Variants in TYW1 observed in about 807,000 individuals in gnomAD.
TYW1 encodes the protein S-adenosyl-L-methionine-dependent tRNA 4-demethylwyosine synthase TYW1.
A neutral mutation model predicts 96.2 loss-of-function variants in TYW1; 46 were observed. The observed-to-expected ratio is 0.48, with a 90% CI of 0.38 to 0.61. The LOEUF is 0.61. Among genes scored for constraint, TYW1 ranks in the 20% least tolerant of loss-of-function variants. The pLI, the probability that TYW1 is intolerant of heterozygous loss-of-function variation, is 0.00. For missense variants in TYW1, 684 were observed against 909.6 expected (o/e 0.75, Z 3.19); for synonymous variants, 274 against 323.0 (o/e 0.85, Z 1.63).
At chr7:67,063,163 C>T (rs985457625) in intron 9 of TYW1, among the ~76,000 whole-genome samples, 6 of 152,146 alleles carry the variant, frequency 3.9e-5, no homozygotes, top group African/African-American at 1.4e-4. Flanking sequence ...AAGCAATCCA[C>T]CATATCAAAC....
intron 15 of TYW1, among the ~76,000 whole-genome samples, chr7:67,204,211 C>G (rs987430189): frequency 2.0e-5 from 3 of 152,064 alleles, no homozygotes; most frequent in South Asian, 2.1e-4. Flanking sequence ...TCTTATTTCT[C>G]TTTTCTTTTT....
chr7:67,181,589 G>A (rs929149560), intron 13 of TYW1, among the ~76,000 whole-genome samples: 12 of 151,896 alleles, frequency 7.9e-5, no homozygotes, highest in African/African-American at 2.9e-4. Flanking sequence ...GTATCATTTT[G>A]TGCATCCCTT....
chr7:67,200,312 G>A (rs1260013609), intron 15 of TYW1, among the ~76,000 whole-genome samples: 1 of 152,038 alleles, frequency 6.6e-6, no homozygotes, highest in Non-Finnish European at 1.5e-5. Context: ...CCGCTTTCAC[G>A]CTGCTGATAA....
chr7:67,151,123 T>C (rs1209800342), intron 13 of TYW1, among the ~76,000 whole-genome samples: 1 of 151,870 alleles, frequency 6.6e-6, no homozygotes, highest in Non-Finnish European at 1.5e-5. Context: ...AGATCTTGGC[T>C]CACTGCAACC....
chr7:67,086,673 A>T lies in TYW1; in HGVS notation c.1384+3134A>T, dbSNP rs139424547. On this transcript the variant is annotated intron_variant, in intron 11 of 15. Coordinates refer to ENST00000359626, the MANE Select transcript of TYW1 (RefSeq NM_018264.4). ...GCTTGGAACAGGTCAATCTTTTTAT[A>T]TTAAAGCCTTCAAATGATTGGATGA... Among the ~76,000 whole-genome samples, 355 of 152,284 alleles carry T rather than the reference A, an allele frequency of 2.3e-3. 1 individual carries two copies. Among genetic ancestry groups the T allele is most frequent in the African/African-American group, 7.8e-3 (324 of 41,552 alleles).
At chr7:67,172,480 G>A in intron 13 of TYW1, among the ~76,000 whole-genome samples, 1 of 151,474 alleles carries the variant, frequency 6.6e-6, no homozygotes, top group East Asian at 1.9e-4. Context: ...GAGTGCAGCA[G>A]CCCAGTCTCA....
At chr7:67,232,359 G>T (rs1475022233) in intron 15 of TYW1, among the ~76,000 whole-genome samples, 1 of 151,800 alleles carries the variant, frequency 6.6e-6, no homozygotes, top group Non-Finnish European at 1.5e-5. Context: ...GGCCAACATG[G>T]TGCAACCCCA....
intron 13 of TYW1, among the ~76,000 whole-genome samples, chr7:67,164,608 C>CA (rs68160921): frequency 0.36 from 40,475 of 113,482 alleles, 6,055 homozygotes; most frequent in Middle Eastern, 0.46. Flanking sequence ...AAAACTGTCT[C>CA]AAAAAAAAAA....
intron 9 of TYW1, among the ~76,000 whole-genome samples, chr7:67,064,681 A>G (rs780878901): frequency 3.7e-4 from 56 of 152,094 alleles, no homozygotes; most frequent in Non-Finnish European, 6.5e-4. Flanking sequence ...GGAAAGACTG[A>G]CCCCTGTGAT....
At chr7:67,129,889 G>A (rs1054733261) in intron 13 of TYW1, among the ~76,000 whole-genome samples, 2 of 152,018 alleles carry the variant, frequency 1.3e-5, no homozygotes, top group Non-Finnish European at 2.9e-5. Flanking sequence ...TAATCCAGTT[G>A]GGATATAACT....
chr7:67,141,554 A>G (rs1798449146), intron 13 of TYW1, among the ~76,000 whole-genome samples: 1 of 152,168 alleles, frequency 6.6e-6, no homozygotes, highest in Non-Finnish European at 1.5e-5. Flanking sequence ...TGTCTAGCCA[A>G]AATATTTCAC....
chr7:67,205,306 T>C (rs1800752352), intron 15 of TYW1, among the ~76,000 whole-genome samples: 1 of 152,072 alleles, frequency 6.6e-6, no homozygotes, highest in Non-Finnish European at 1.5e-5. Context: ...CAGCCTCCTG[T>C]GATACCATTC....
intron 7 of TYW1, among the ~76,000 whole-genome samples, chr7:67,036,815 C>G (rs1009584337): frequency 7.2e-5 from 11 of 152,240 alleles, no homozygotes; most frequent in Non-Finnish European, 1.3e-4. Flanking sequence ...GGTCACACAA[C>G]AGAAGCTGAG....
intron 15 of TYW1, among the ~76,000 whole-genome samples, chr7:67,217,521 T>A (rs980705481): frequency 3.3e-5 from 5 of 152,230 alleles, no homozygotes; most frequent in Non-Finnish European, 7.3e-5. Context: ...CCTTTCCCCA[T>A]TGAGTAGTCT....
chr7:67,119,119 CT>C (rs1563023530), intron 13 of TYW1, among the ~76,000 whole-genome samples: 4 of 150,004 alleles, frequency 2.7e-5, no homozygotes, highest in African/African-American at 9.9e-5. Flanking sequence ...TCCATTAATC[CT>C]CCTTCCTTCC....
At chr7:67,234,523 G>C (rs993348513) in intron 15 of TYW1, among the ~76,000 whole-genome samples, 17 of 152,062 alleles carry the variant, frequency 1.1e-4, no homozygotes, top group Admixed American at 9.2e-4. Context: ...TGGAATTCCA[G>C]CCTCCAGAAC....
intron 9 of TYW1, among the ~76,000 whole-genome samples, chr7:67,058,159 C>T (rs1280583337): frequency 1.3e-5 from 2 of 152,278 alleles, no homozygotes; most frequent in East Asian, 3.9e-4. Flanking sequence ...TGGTCTCAAT[C>T]TCCTGACCTC....
At position 67,110,126 on chromosome 7, in the gene TYW1, G is replaced by A. The variant is rs3962074; in HGVS notation, c.1563-7357G>A. On this transcript the variant is annotated intron_variant, in intron 12 of 15. Transcript: ENST00000359626. ...ATGTTTCTCCTAAACAATTATAGAC[G>A]ATTGTTTAGCTTCACAAAGCCGCCT... Among the ~76,000 whole-genome samples the A allele has an allele frequency of 2.0e-5, 3 of 152,290 alleles. No homozygotes were observed. In the East Asian group the frequency reaches 5.8e-4, roughly 29 times the overall value.
chr7:67,076,777 T>G (rs970884225), intron 10 of TYW1, among the ~76,000 whole-genome samples: 2 of 124,174 alleles, frequency 1.6e-5, no homozygotes, highest in African/African-American at 6.1e-5. Context: ...CACTCAGCCT[T>G]TTTTTTTTTT....
Sources: allele counts gnomAD v4.1 joint callset (sites outside exome capture counted in the v4.1 genomes callset), GRCh38; gene constraint gnomAD v4.1.1; transcripts MANE v1.5; gene names NCBI Gene and HGNC (gene_info 2026-07-23, HGNC 2026-07-21).